The following CRB1 variants were observed in gnomAD, a reference collection of about 807,000 sequenced individuals.
CRB1 encodes protein crumbs homolog 1.
A neutral mutation model predicts 120.0 loss-of-function variants in CRB1; 83 were observed. The observed-to-expected ratio is 0.69, with a 90% confidence interval of 0.58 to 0.83. The LOEUF is 0.83. Among genes scored for constraint, CRB1 ranks in the 40% least tolerant of loss-of-function variants. The probability of loss-of-function intolerance (pLI) is 0.00; values close to 1 mark genes in which losing one functional copy is unlikely to be tolerated. For missense variants in CRB1, 1,699 were observed against 1,687.6 expected (o/e 1.01, Z -0.12); for synonymous variants, 625 against 612.5 (o/e 1.02, Z -0.30).
At chr1:197,448,617 A>G (rs1665813693) in intron 11 of CRB1, among the ~76,000 whole-genome samples, 1 of 151,896 alleles carries the variant, frequency 6.6e-6, no homozygotes, top group Non-Finnish European at 1.5e-5. Flanking sequence ...TGTTCCTCCC[A>G]CCTAACCTGT....
At chr1:197,430,448 C>T (rs1244879893) in intron 8 of CRB1, among the ~76,000 whole-genome samples, 1 of 152,138 alleles carries the variant, frequency 6.6e-6, no homozygotes, top group Non-Finnish European at 1.5e-5. Flanking sequence ...CTATTCCTAC[C>T]AGTTACCATC....
At chr1:197,291,561 T>A (rs1656185451) in intron 1 of CRB1, among the ~76,000 whole-genome samples, 1 of 151,842 alleles carries the variant, frequency 6.6e-6, no homozygotes, top group Non-Finnish European at 1.5e-5. Context: ...CATGACACTG[T>A]TGGATTTTAG....
chr1:197,404,727 A>G (rs1013406932), intron 5 of CRB1, among the ~76,000 whole-genome samples: 1 of 152,220 alleles, frequency 6.6e-6, no homozygotes, highest in Non-Finnish European at 1.5e-5. Context: ...GCCCCTGCTA[A>G]ACAGCAATTA....
At chr1:197,432,623 T>A (rs1218330235) in intron 8 of CRB1, among the ~76,000 whole-genome samples, 1 of 152,118 alleles carries the variant, frequency 6.6e-6, no homozygotes, top group Non-Finnish European at 1.5e-5. Context: ...AAGGATTTAG[T>A]GATAACCTAG....
chr1:197,210,545 T>C, the CRB1 span, among the ~76,000 whole-genome samples: 7 of 152,052 alleles, frequency 4.6e-5, no homozygotes, highest in African/African-American at 1.2e-4. Context: ...GATTTCAGAC[T>C]GGCCAGCCCC....
chr1:197,415,073 T>G (rs1663906699), intron 5 of CRB1, among the ~76,000 whole-genome samples: 1 of 152,188 alleles, frequency 6.6e-6, no homozygotes, highest in Non-Finnish European at 1.5e-5. Flanking sequence ...CATAATCAAA[T>G]TATTGACATT....
intron 5 of CRB1, among the ~76,000 whole-genome samples, chr1:197,398,516 G>T (rs1293680694): frequency 6.6e-6 from 1 of 152,150 alleles, no homozygotes; most frequent in African/African-American, 2.4e-5. Flanking sequence ...GATAAGGATA[G>T]ATTAAAGAGA....
intron 3 of CRB1, among the ~76,000 whole-genome samples, chr1:197,345,779 A>G (rs1659736276): frequency 6.6e-6 from 1 of 152,112 alleles, no homozygotes; most frequent in Non-Finnish European, 1.5e-5. Flanking sequence ...AAGTGTTGCG[A>G]TTACAGGTGT....
chr1:197,430,188 T>A (rs2125490399), intron 8 of CRB1, among the ~76,000 whole-genome samples: 1 of 152,322 alleles, frequency 6.6e-6, no homozygotes, highest in East Asian at 1.9e-4. Context: ...TTCCAAATGT[T>A]AGCAATTTGA....
intron 5 of CRB1, among the ~76,000 whole-genome samples, chr1:197,412,328 T>C (rs180939311): frequency 4.6e-5 from 7 of 152,346 alleles, no homozygotes; most frequent in Admixed American, 3.9e-4. Context: ...GCTCCAAGCA[T>C]TTATAGTTAT....
At chr1:197,268,584 T>A in intron 1 of CRB1, 102 bp downstream of exon 1, 2 of 949,626 alleles carry the variant, frequency 2.1e-6, no homozygotes, top group Non-Finnish European at 3.3e-6. Flanking sequence ...AATACAATGC[T>A]AAAAAAGGAA....
intron 11 of CRB1, among the ~76,000 whole-genome samples, chr1:197,474,720 C>A (rs937700644): frequency 2.6e-5 from 4 of 152,170 alleles, no homozygotes; most frequent in African/African-American, 9.7e-5. Flanking sequence ...TGATTTTTCT[C>A]TTGTGTGCAT....
chr1:197,374,911 G>C (rs987854078), intron 5 of CRB1, among the ~76,000 whole-genome samples: 1 of 152,104 alleles, frequency 6.6e-6, no homozygotes, highest in Non-Finnish European at 1.5e-5. Context: ...CTAGAGGAGA[G>C]CTAGAAACAA....
At chr1:197,324,020 T>C (rs1044669968) in intron 1 of CRB1, among the ~76,000 whole-genome samples, 2 of 152,184 alleles carry the variant, frequency 1.3e-5, no homozygotes, top group African/African-American at 2.4e-5. Context: ...CAGAAAACTT[T>C]CTCAGTGAGG....
chr1:197,234,183 G>C, the CRB1 span, among the ~76,000 whole-genome samples: 11 of 152,266 alleles, frequency 7.2e-5, no homozygotes, highest in African/African-American at 2.6e-4. Flanking sequence ...AATCTTCTCT[G>C]GTTCCTGGTT....
chr1:197,409,164 T>C (rs1261110329), intron 5 of CRB1, among the ~76,000 whole-genome samples: 3 of 152,176 alleles, frequency 2.0e-5, no homozygotes, highest in African/African-American at 7.2e-5. Context: ...TTTAGAATAG[T>C]ATAATCATAA....
At chr1:197,244,245 A>G in the CRB1 span, among the ~76,000 whole-genome samples, 3 of 152,132 alleles carry the variant, frequency 2.0e-5, no homozygotes, top group African/African-American at 7.2e-5. Context: ...TTTGCCCATT[A>G]GTTGATGCAG....
At chr1:197,286,985 CAG>C (rs1418319942) in intron 1 of CRB1, among the ~76,000 whole-genome samples, 1 of 151,814 alleles carries the variant, frequency 6.6e-6, no homozygotes, top group Admixed American at 6.6e-5. Flanking sequence ...AAGTTCATAA[CAG>C]AAGTTCTCAA....
chr1:197,424,582 C>G (rs1664488487), intron 6 of CRB1, among the ~76,000 whole-genome samples: 1 of 152,146 alleles, frequency 6.6e-6, no homozygotes, highest in African/African-American at 2.4e-5. Context: ...CAGTGACACA[C>G]AGGGCCATAA....
Sources: gnomAD v4.1 joint callset for allele counts (sites outside exome capture counted in the v4.1 genomes callset) on GRCh38, gnomAD v4.1.1 for gene constraint, MANE v1.5 for transcripts, NCBI Gene and HGNC (gene_info 2026-07-23, HGNC 2026-07-21) for gene names.